MAP7D1: variants seen among roughly 807,000 people sequenced by gnomAD.
MAP7D1 encodes the protein MAP7 domain-containing protein 1.
MAP7D1 carries 30 observed loss-of-function variants against 97.5 expected under a neutral mutation model. The ratio of observed to expected loss-of-function variants is 0.31; its 90% confidence interval spans 0.23 to 0.42. MAP7D1 has a LOEUF of 0.42. MAP7D1 is among the 10% of genes least tolerant of loss of function. The pLI, the probability that MAP7D1 is intolerant of heterozygous loss-of-function variation, is 1.00. For missense variants in MAP7D1, 1,184 were observed against 1,179.5 expected (o/e 1.00, Z -0.06); for synonymous variants, 536 against 477.1 (o/e 1.12, Z -1.61).
chr1:36,168,432 CAG>C (rs1333480007), intron 1 of MAP7D1, among the ~76,000 whole-genome samples: 1 of 152,168 alleles, frequency 6.6e-6, no homozygotes, highest in Non-Finnish European at 1.5e-5. Context: ...TGCGAGGACA[CAG>C]GGTGCACCAC....
intron 1 of MAP7D1, among the ~76,000 whole-genome samples, chr1:36,162,100 G>A (rs760018540): frequency 5.9e-5 from 9 of 152,122 alleles, no homozygotes; most frequent in Admixed American, 1.3e-4. Context: ...TCTTGCTAGA[G>A]GTGCTGATCT....
chr1:36,179,183 C>T, intron 12 of MAP7D1, 79 bp from the exon 13 acceptor site: 1 of 1,565,158 alleles, frequency 6.4e-7, no homozygotes, highest in Non-Finnish European at 8.8e-7. Context: ...CCCTAAGACT[C>T]CGAGGCCGGG....
chr1:36,180,288 G>A lies in MAP7D1; in HGVS notation c.*30G>A. ...GTTTGCCTTGGATCCGGGCACAGTT[G>A]TGAGGGCTCCTCTGCATCACCTACC... On this transcript the variant is annotated 3_prime_UTR_variant, in exon 17 of 17. Transcript: ENST00000474796. 12 of 1,614,124 alleles carry A rather than the reference G, an allele frequency of 7.4e-6. No individual in the cohort carries two copies. Among genetic ancestry groups the A allele is most frequent in the Non-Finnish European group, 9.3e-6 (11 of 1,179,932 alleles).
chr1:36,167,816 CACTG>C (rs1570139811), intron 1 of MAP7D1, among the ~76,000 whole-genome samples: 2 of 152,356 alleles, frequency 1.3e-5, no homozygotes, highest in East Asian at 3.9e-4. Flanking sequence ...GCTGGGGACT[CACTG>C]ACTGTCTTGC....
intron 4 of MAP7D1, among the ~76,000 whole-genome samples, chr1:36,172,965 CT>C (rs989586492): frequency 9.8e-5 from 15 of 152,332 alleles, no homozygotes; most frequent in African/African-American, 3.6e-4. Flanking sequence ...AGCTTGAGTG[CT>C]GGTGAGGAAA....
rs772066605 is a variant in MAP7D1, at chr1:36,179,488, C to G, written c.2185-27C>G. ...TGGCTGGGGCCGGCTGTCCCTTGAG[C>G]CTGACTGCTCTTCCTCTTCAAAGCA... On this transcript the variant is annotated intron_variant, in intron 13 of 16. Coordinates refer to ENST00000474796, the MANE Select transcript of MAP7D1 (RefSeq NM_001388490.1). 6 of 1,579,164 alleles carry G rather than the reference C, an allele frequency of 3.8e-6. No individual in the cohort carries two copies. The East Asian group carries it at 6.9e-5, about 18-fold the overall frequency.
chr1:36,158,598 C>T (rs548550034), intron 1 of MAP7D1, among the ~76,000 whole-genome samples: 41 of 152,206 alleles, frequency 2.7e-4, no homozygotes, highest in Admixed American at 2.4e-3. Context: ...AGTTTCTGCC[C>T]CTGGAAAATA....
At position 36,179,038 on chromosome 1, in the gene MAP7D1, G is replaced by T; in HGVS notation, c.2130+13G>T. ...AGAGCGCAGAAAGGTGTGCGGACCT[G>T]GGCGGGGATTTGTGGGCGGGGCCTG... is the stretch of plus-strand genomic sequence containing the variant. On this transcript the variant is annotated intron_variant, in intron 12 of 16. Coordinates refer to ENST00000474796, the MANE Select transcript of MAP7D1 (RefSeq NM_001388490.1). 6.4e-7 allele frequency: 1 copy of T among 1,550,448 alleles called. No homozygotes were observed. The highest frequency in any genetic ancestry group is 1.2e-5 in the South Asian group (1 of 84,046).
intron 1 of MAP7D1, among the ~76,000 whole-genome samples, chr1:36,164,672 C>A (rs975286929): frequency 6.6e-6 from 1 of 152,070 alleles, no homozygotes; most frequent in African/African-American, 2.4e-5. Context: ...TCAGGAACTT[C>A]AGATTATACT....
Position 36,172,578 on chromosome 1 carries a change from G to A in MAP7D1, c.575G>A (p.Arg192His), listed in dbSNP as rs970184995. ...LEEQRLKAEQ[R>H]RAALEERQRQ... ...GAGCAACGTCTTAAAGCCGAGCAAC[G>A]CCGTGCAGCCCTGGAGGAACGGCAG... is the stretch of plus-strand genomic sequence containing the variant. Residue 192 changes from arginine (R) to histidine (H), a missense_variant, in exon 4 of 17, where the codon CGC (arginine) becomes CAC (histidine). Transcript: ENST00000474796. 3.1e-6 allele frequency: 5 copies of A among 1,590,366 alleles called. No individual in the cohort carries two copies. Among genetic ancestry groups the A allele is most frequent in the South Asian group, 1.1e-5 (1 of 90,394 alleles).
chr1:36,178,227 G>A, intron 9 of MAP7D1, 26 bp downstream of exon 9: 1 of 1,519,354 alleles, frequency 6.6e-7, no homozygotes, highest in East Asian at 2.4e-5. Context: ...GGGGAGGGGT[G>A]GGCCGAGCGA....
At position 36,176,847 on chromosome 1, in the gene MAP7D1, G is replaced by A; in HGVS notation, c.1379+5G>A. 1 of 1,587,100 alleles carries A rather than the reference G, an allele frequency of 6.3e-7. No homozygotes were observed. Among genetic ancestry groups the A allele is most frequent in the Non-Finnish European group, 8.6e-7 (1 of 1,166,906 alleles). ...CAGCACCGCCTCTGAGCTCAGGTGG[G>A]CGCGGGCGGTGCGAGGGACCCTGCC... is the stretch of plus-strand genomic sequence containing the variant. On this transcript the variant is annotated splice_donor_5th_base_variant and intron_variant, in intron 8 of 16. Transcript: ENST00000474796. This position sits in a 1 kb window ranked among gnomAD's most constrained non-coding sequence, Gnocchi z 6.1.
Position 36,171,022 on chromosome 1 carries a change from C to T in MAP7D1, c.98C>T (p.Pro33Leu), listed in dbSNP as rs778694769. ...CCAAGACCTTCTCCAGAAGGTGACC[C>T]TTCCCCCCCACCACCACCAATGTCA... ...PEPRPSPEGD[P>L]SPPPPPMSAL... The change falls in exon 2 of 17, where the codon CCT becomes CTT. Residue 33 changes from proline to leucine, a missense_variant. Coordinates refer to ENST00000474796, the MANE Select transcript of MAP7D1 (RefSeq NM_001388490.1). 1 of 1,584,362 alleles carries T rather than the reference C, an allele frequency of 6.3e-7. No homozygotes were observed. The highest frequency in any genetic ancestry group is 8.7e-7 in the Non-Finnish European group (1 of 1,155,990).
At position 36,168,530 on chromosome 1, in the gene MAP7D1, G is replaced by A. The variant is rs536296039; in HGVS notation, c.47-2441G>A. Among the ~76,000 whole-genome samples the A allele has an allele frequency of 7.2e-5, 11 of 152,288 alleles. No homozygotes were observed. The South Asian group carries it at 2.3e-3, about 32-fold the overall frequency. On this transcript the variant is annotated intron_variant, in intron 1 of 16. Transcript: ENST00000474796. ...GGTAAAGGAGTTTGCAGTTGGCTGG[G>A]AAATAGATTAGCAGTGACCAGGCAG...
chr1:36,160,455 T>G (rs182430625), intron 1 of MAP7D1, among the ~76,000 whole-genome samples: 1 of 152,326 alleles, frequency 6.6e-6, no homozygotes, highest in Non-Finnish European at 1.5e-5. Flanking sequence ...TATCTCCTAT[T>G]CATTAAGGGC....
intron 5 of MAP7D1, 60 bp from the exon 6 acceptor site, chr1:36,174,838 G>C (rs560360767): frequency 2.2e-5 from 20 of 915,730 alleles, no homozygotes; most frequent in Non-Finnish European, 3.0e-5. Flanking sequence ...GGAAGGCCTC[G>C]GTGCCCCCCA....
chr1:36,172,672 G>A (rs755697702), intron 4 of MAP7D1, 45 bp downstream of exon 4: 46 of 1,487,750 alleles, frequency 3.1e-5, no homozygotes, highest in East Asian at 4.7e-5. Flanking sequence ...TGTGCTCACC[G>A]TCTGCATACT....
At chr1:36,158,831 A>G (rs1644371755) in intron 1 of MAP7D1, among the ~76,000 whole-genome samples, 1 of 151,834 alleles carries the variant, frequency 6.6e-6, no homozygotes, top group South Asian at 2.1e-4. Flanking sequence ...GGAATTAAAC[A>G]GTTTAAGTCT....
Position 36,177,450 on chromosome 1 carries a change from G to T in MAP7D1, c.1380-423G>T, listed in dbSNP as rs576717128. 2.4e-5 allele frequency: 10 copies of T among 421,210 alleles called. No individual in the cohort carries two copies. In the Middle Eastern group the frequency reaches 1.0e-3, roughly 44 times the overall value. 26.1% of individuals were successfully genotyped at this position (421,210 alleles called of 1,614,324 possible). A position where few individuals can be genotyped will look rare whatever the true frequency, so the allele number is the denominator to read the frequency against. ...GGGGAGGATTGCTTGAGCCCAGGAG[G>T]TCGAGGCTGTAGTGAGCTATGTATG... On this transcript the variant is annotated intron_variant, in intron 8 of 16. Coordinates refer to ENST00000474796, the MANE Select transcript of MAP7D1 (RefSeq NM_001388490.1).
Sources: gnomAD v4.1 joint callset for allele counts (sites outside exome capture counted in the v4.1 genomes callset) on GRCh38, gnomAD v4.1.1 for gene constraint, Gnocchi (gnomAD v3.1) non-coding constraint, MANE v1.5 for transcripts, NCBI Gene and HGNC (gene_info 2026-07-23, HGNC 2026-07-21) for gene names.